Variants in DLEU7 observed in about 807,000 individuals in gnomAD.
The protein encoded by DLEU7 is deleted in lymphocytic leukemia 7, also known as leukemia-associated protein 7.
A neutral mutation model predicts 16.0 loss-of-function variants in DLEU7; 17 were observed. The ratio of observed to expected loss-of-function variants is 1.06; its 90% CI spans 0.73 to 1.59. The LOEUF is 1.59. Among genes scored for constraint, DLEU7 ranks in the 40% most tolerant of loss-of-function variants. DLEU7 has a pLI of 0.00. For missense variants in DLEU7, 308 were observed against 314.9 expected (o/e 0.98, Z 0.17); for synonymous variants, 113 against 139.8 (o/e 0.81, Z 1.35).
exon 2 of DLEU7, chr13:50,713,065 T>C (rs1873341716): frequency 1.4e-5 from 11 of 783,278 alleles, no homozygotes; most frequent in South Asian, 5.0e-5. Context: ...GACCATGCAA[T>C]TGGAGACCAA....
chr13:50,767,755 G>A (rs1371039701), intron 1 of DLEU7, among the ~76,000 whole-genome samples: 2 of 152,160 alleles, frequency 1.3e-5, no homozygotes, highest in African/African-American at 4.8e-5. Flanking sequence ...CTGGAAGTAA[G>A]ACCAGGACCA....
At chr13:50,711,058 T>A (rs1873270542), downstream of DLEU7, 1 of 152,218 alleles carries the variant, frequency 6.6e-6, no homozygotes, top group Non-Finnish European at 1.5e-5. Context: ...CTTTACTATA[T>A]ATTTTTAAAT....
intron 1 of DLEU7, among the ~76,000 whole-genome samples, chr13:50,759,513 CACTTT>C (rs1310832518): frequency 3.8e-5 from 4 of 105,172 alleles, no homozygotes; most frequent in Non-Finnish European, 6.0e-5. Context: ...TTTTATGAAG[CACTTT>C]GTACACTCTA....
intron 1 of DLEU7, among the ~76,000 whole-genome samples, chr13:50,732,815 C>A (rs1415059906): frequency 6.6e-6 from 1 of 152,034 alleles, no homozygotes; most frequent in Non-Finnish European, 1.5e-5. Flanking sequence ...TTGTCATCTG[C>A]CAAACACTGT....
At chr13:50,746,159 C>T (rs1354059683) in intron 1 of DLEU7, among the ~76,000 whole-genome samples, 1 of 152,126 alleles carries the variant, frequency 6.6e-6, no homozygotes, top group African/African-American at 2.4e-5. Flanking sequence ...TAGAGTAGTA[C>T]CTGGCACACA....
intron 1 of DLEU7, among the ~76,000 whole-genome samples, chr13:50,741,202 T>C (rs1874242211): frequency 1.3e-5 from 2 of 152,190 alleles, no homozygotes; most frequent in African/African-American, 4.8e-5. Flanking sequence ...AGTTAGAAAG[T>C]TATTTGGAAG....
chr13:50,786,762 G>A (rs1875803688), intron 1 of DLEU7, among the ~76,000 whole-genome samples: 1 of 152,180 alleles, frequency 6.6e-6, no homozygotes, highest in Non-Finnish European at 1.5e-5. Context: ...AAAAATGAAT[G>A]TTATGACCCT....
intron 1 of DLEU7, among the ~76,000 whole-genome samples, chr13:50,763,743 G>T (rs777060414): frequency 6.6e-6 from 1 of 152,196 alleles, no homozygotes; most frequent in Non-Finnish European, 1.5e-5. Context: ...CCAGTGACCT[G>T]GCCCAGCCCC....
chr13:50,750,066 A>C (rs1314505076), intron 1 of DLEU7, among the ~76,000 whole-genome samples: 1 of 152,196 alleles, frequency 6.6e-6, no homozygotes, highest in East Asian at 1.9e-4. Flanking sequence ...TTATAGTTTC[A>C]GGTCTTAGAT....
At chr13:50,747,539 G>A (rs896095517) in intron 1 of DLEU7, among the ~76,000 whole-genome samples, 1 of 152,062 alleles carries the variant, frequency 6.6e-6, no homozygotes, top group Non-Finnish European at 1.5e-5. Flanking sequence ...CATAGATGGA[G>A]AAGCCCAAAA....
intron 1 of DLEU7, among the ~76,000 whole-genome samples, chr13:50,770,000 T>A (rs1274460948): frequency 6.6e-6 from 1 of 152,192 alleles, no homozygotes; most frequent in African/African-American, 2.4e-5. Flanking sequence ...CCTTGTAAGT[T>A]GGATTCCTAG....
At chr13:50,784,229 A>G (rs1202346962) in intron 1 of DLEU7, among the ~76,000 whole-genome samples, 1 of 152,208 alleles carries the variant, frequency 6.6e-6, no homozygotes, top group Admixed American at 6.5e-5. Context: ...ACTTCAAGAC[A>G]TATTAAAGAA....
chr13:50,764,952 G>A (rs553920821), intron 1 of DLEU7, among the ~76,000 whole-genome samples: 11 of 152,092 alleles, frequency 7.2e-5, no homozygotes, highest in South Asian at 2.1e-4. Flanking sequence ...GGGCAATCTC[G>A]GCTCACTGCA....
intron 1 of DLEU7, among the ~76,000 whole-genome samples, chr13:50,740,087 T>G (rs1026355876): frequency 1.3e-5 from 2 of 152,212 alleles, no homozygotes; most frequent in Admixed American, 1.3e-4. Flanking sequence ...CAAGTTCTTT[T>G]AAGCCTGAAA....
rs1877761116 is a variant in DLEU7 at position 50,843,540 on chromosome 13, G to A, written c.107C>T (p.Ala36Val). 4 of 1,442,448 alleles carry A rather than the reference G, an allele frequency of 2.8e-6. No homozygotes were observed. Among genetic ancestry groups the A allele is most frequent in the Admixed American group, 3.3e-5 (1 of 30,446 alleles). The allele number at this position is 1,442,448 out of a possible 1,614,324, so 89.4% of individuals were successfully genotyped here. ...GTCTGGGTCCCGCGGGTTCCCGGGG[G>A]CGACTGGACCGTCCCCCCAGCCCCA... ...QEWGWGDGPVAPGNPRDPDHV... is the reference protein window; with the variant it reads ...QEWGWGDGPVVPGNPRDPDHV... Residue 36 changes from alanine to valine, a missense_variant, in exon 1 of 2, where the codon GCC becomes GTC. By Grantham distance (64) the Ala-to-Val change is moderately conservative. Transcript: ENST00000504404. This position sits in a 1 kb window ranked among gnomAD's most constrained non-coding sequence, Gnocchi z 5.7.
At chr13:50,727,565 T>C (rs1394905146) in intron 1 of DLEU7, among the ~76,000 whole-genome samples, 1 of 152,112 alleles carries the variant, frequency 6.6e-6, no homozygotes, top group Non-Finnish European at 1.5e-5. Context: ...GAAGGGCTGC[T>C]CCCATCATTC....
At chr13:50,724,151 T>G (rs1035426889) in intron 1 of DLEU7, among the ~76,000 whole-genome samples, 1 of 152,120 alleles carries the variant, frequency 6.6e-6, no homozygotes, top group Non-Finnish European at 1.5e-5. Flanking sequence ...CCATCACTAA[T>G]TGAAGAAAAA....
At chr13:50,800,834 T>G (rs1876227055) in intron 1 of DLEU7, among the ~76,000 whole-genome samples, 1 of 152,164 alleles carries the variant, frequency 6.6e-6, no homozygotes, top group Admixed American at 6.5e-5. Flanking sequence ...CAATGGCCTC[T>G]TGGACTTTTC....
At chr13:50,734,125 C>A (rs1873996917) in intron 1 of DLEU7, among the ~76,000 whole-genome samples, 1 of 152,184 alleles carries the variant, frequency 6.6e-6, no homozygotes, top group African/African-American at 2.4e-5. Context: ...TTTTCTTTTG[C>A]ACTAGGCTCC....
Sources: allele counts gnomAD v4.1 joint callset (sites outside exome capture counted in the v4.1 genomes callset), GRCh38; gene constraint gnomAD v4.1.1; non-coding constraint Gnocchi (gnomAD v3.1); transcripts MANE v1.5; gene names NCBI Gene and HGNC (gene_info 2026-07-23, HGNC 2026-07-21).